The following SLC9A4 variants were observed in gnomAD, a reference collection of about 807,000 sequenced individuals.
SLC9A4 encodes solute carrier family 9 member A4.
A neutral mutation model predicts 67.4 loss-of-function variants in SLC9A4; 63 were observed. The observed-to-expected ratio is 0.93, with a 90% CI of 0.76 to 1.15. The LOEUF (loss-of-function observed/expected upper bound fraction) is 1.15, where lower values mean the gene tolerates loss of function less well. Ranked by LOEUF, SLC9A4 falls within the 50% of genes most tolerant of loss-of-function variation. SLC9A4 has a pLI of 0.00. For synonymous variants in SLC9A4, 393 were observed against 367.2 expected (o/e 1.07, Z -0.80); for missense variants, 1,089 against 987.7 (o/e 1.10, Z -1.38).
At chr2:102,508,354 T>C in intron 5 of SLC9A4, 73 bp downstream of exon 5, 1 of 1,324,624 alleles carries the variant, frequency 7.5e-7, no homozygotes, top group Non-Finnish European at 1.0e-6. Flanking sequence ...AAAATACAAA[T>C]AAAGGCATTT....
intron 11 of SLC9A4, among the ~76,000 whole-genome samples, chr2:102,527,498 CT>C (rs1247500043): frequency 3.9e-5 from 6 of 152,108 alleles, no homozygotes; most frequent in African/African-American, 7.2e-5. Flanking sequence ...GTATTATCAA[CT>C]TTTAATAAAT....
In SLC9A4 at chr2:102,473,467, A is replaced by G; in HGVS notation, c.-293A>G. The G allele has an allele frequency of 2.5e-6, 1 of 407,372 alleles. No individual in the cohort carries two copies. The allele number at this position is 407,372 out of a possible 1,614,324, so 25.2% of individuals were successfully genotyped here. A position where few individuals can be genotyped will look rare whatever the true frequency, so the allele number is the denominator to read the frequency against. On this transcript the variant is annotated 5_prime_UTR_variant, in exon 1 of 12. Transcript: ENST00000295269. Reference sequence around the variant, plus strand: ...TTTTATTTCTTTCATAAATTGCTCAAGCCATGATTGGATGGAGGTCCTCCA... The same window carrying G: ...TTTTATTTCTTTCATAAATTGCTCAGGCCATGATTGGATGGAGGTCCTCCA...
chr2:102,505,618 A>T (rs1685035387), intron 4 of SLC9A4, 147 bp downstream of exon 4: 1 of 712,142 alleles, frequency 1.4e-6, no homozygotes, highest in Middle Eastern at 4.0e-4. Context: ...CGTGAGCAGG[A>T]ATCTTTTCTG....
intron 11 of SLC9A4, among the ~76,000 whole-genome samples, chr2:102,528,307 C>T (rs1183713866): frequency 2.0e-5 from 3 of 151,834 alleles, no homozygotes; most frequent in Non-Finnish European, 4.4e-5. Context: ...CGAGTCTGGT[C>T]GATAGTTTAA....
intron 5 of SLC9A4, among the ~76,000 whole-genome samples, chr2:102,508,520 C>A (rs1303606562): frequency 6.6e-6 from 1 of 152,180 alleles, no homozygotes; most frequent in African/African-American, 2.4e-5. Flanking sequence ...GACTAATAGT[C>A]ACTCCATATT....
chr2:102,516,248 G>T (rs541051481), intron 8 of SLC9A4, among the ~76,000 whole-genome samples: 1 of 152,044 alleles, frequency 6.6e-6, no homozygotes, highest in Non-Finnish European at 1.5e-5. Flanking sequence ...CAGCCTTATA[G>T]GTACGAGATA....
intron 11 of SLC9A4, among the ~76,000 whole-genome samples, chr2:102,528,236 G>C (rs1674705218): frequency 6.6e-6 from 1 of 152,072 alleles, no homozygotes; most frequent in South Asian, 2.1e-4. Flanking sequence ...TTGAACTCCT[G>C]ACCTCAGGTG....
At chr2:102,497,744 T>C (rs6543153) in intron 2 of SLC9A4, among the ~76,000 whole-genome samples, 107,442 of 152,152 alleles carry the variant, frequency 0.71, 38,666 homozygotes, top group Middle Eastern at 0.77. Context: ...ATCTTGACTA[T>C]GGCGATGGCT....
chr2:102,487,367 G>A (rs1280843798), intron 2 of SLC9A4, among the ~76,000 whole-genome samples: 1 of 152,132 alleles, frequency 6.6e-6, no homozygotes, highest in Non-Finnish European at 1.5e-5. Flanking sequence ...ATGAAGGAGA[G>A]TGTTGCAGGG....
chr2:102,494,159 ATAT>A (rs2104425313), intron 2 of SLC9A4, among the ~76,000 whole-genome samples: 1 of 152,070 alleles, frequency 6.6e-6, no homozygotes, highest in South Asian at 2.1e-4. Flanking sequence ...ATAAGATTTA[ATAT>A]TATGACTACA....
chr2:102,475,736 A>T (rs1684316579), intron 1 of SLC9A4, among the ~76,000 whole-genome samples: 1 of 152,202 alleles, frequency 6.6e-6, no homozygotes, highest in Admixed American at 6.5e-5. Flanking sequence ...TTCCATATGG[A>T]CATGAGGAGT....
intron 2 of SLC9A4, among the ~76,000 whole-genome samples, chr2:102,485,010 G>A (rs996992243): frequency 6.6e-6 from 1 of 152,138 alleles, no homozygotes; most frequent in Admixed American, 6.6e-5. Flanking sequence ...TCACCTTGAT[G>A]GGTGCTTCAT....
At chr2:102,503,365 A>G in intron 2 of SLC9A4, 83 bp from the exon 3 acceptor site, 1 of 1,281,890 alleles carries the variant, frequency 7.8e-7, no homozygotes, top group Non-Finnish European at 1.1e-6. Flanking sequence ...TTACTTAACT[A>G]GACACAAAGC....
chr2:102,514,061 A>T, intron 7 of SLC9A4, 29 bp from the exon 8 acceptor site: 3 of 1,606,512 alleles, frequency 1.9e-6, no homozygotes, highest in Non-Finnish European at 2.5e-6. Flanking sequence ...GACGTTCAAG[A>T]TTTCCAAAAT....
chr2:102,500,260 G>C (rs368477170), intron 2 of SLC9A4, among the ~76,000 whole-genome samples: 2 of 152,096 alleles, frequency 1.3e-5, no homozygotes, highest in African/African-American at 4.8e-5. Context: ...GAGGACTGCC[G>C]GCAGTCACCA....
chr2:102,513,912 G>A (rs756142801), intron 7 of SLC9A4, among the ~76,000 whole-genome samples, 178 bp from the exon 8 acceptor site: 6 of 152,088 alleles, frequency 3.9e-5, no homozygotes, highest in Non-Finnish European at 5.9e-5. Context: ...TTTAAAAAAT[G>A]CATAAATGCT....
At chr2:102,493,195 G>GGT (rs1684738839) in intron 2 of SLC9A4, among the ~76,000 whole-genome samples, 43 of 152,038 alleles carry the variant, frequency 2.8e-4, no homozygotes, top group African/African-American at 9.9e-4. Flanking sequence ...GTCTTCTTCT[G>GGT]AGCCCTTCAA....
chr2:102,507,119 G>T (rs1685066272), intron 4 of SLC9A4, among the ~76,000 whole-genome samples: 1 of 152,176 alleles, frequency 6.6e-6, no homozygotes, highest in Non-Finnish European at 1.5e-5. Flanking sequence ...TCAAGCAGAT[G>T]AGGAGTCTGA....
Position 102,508,840 on chromosome 2 carries a change from G to A in SLC9A4, c.1402-7G>A, listed in dbSNP as rs914013336. The A allele has an allele frequency of 6.2e-7, 1 of 1,606,048 alleles. No individual in the cohort carries two copies. The highest frequency in any genetic ancestry group is 1.3e-5 in the African/African-American group (1 of 74,140). On this transcript the variant is annotated splice_region_variant and splice_polypyrimidine_tract_variant and intron_variant, in intron 5 of 11. Coordinates refer to ENST00000295269, the MANE Select transcript of SLC9A4 (RefSeq NM_001011552.4). ...CAAAACCCTTTGTTTTGTTATTTCTGATCTAGGGAATCACAGTTGGCCCTC... is the reference window on the plus strand; with the variant it reads ...CAAAACCCTTTGTTTTGTTATTTCTAATCTAGGGAATCACAGTTGGCCCTC...
Sources: allele counts gnomAD v4.1 joint callset (sites outside exome capture counted in the v4.1 genomes callset), GRCh38; gene constraint gnomAD v4.1.1; transcripts MANE v1.5; gene names NCBI Gene and HGNC (gene_info 2026-07-23, HGNC 2026-07-21).